POU2F2: variants seen among roughly 807,000 people sequenced by gnomAD.
The protein encoded by POU2F2 is POU class 2 homeobox 2.
In POU2F2, 14 loss-of-function variants were observed where a neutral mutation model predicts 63.5. The ratio of observed to expected loss-of-function variants is 0.22; its 90% CI spans 0.15 to 0.34. The LOEUF (loss-of-function observed/expected upper bound fraction) is 0.34. POU2F2 is among the 10% of genes least tolerant of loss of function. The probability of loss-of-function intolerance (pLI) is 1.00; values close to 1 mark genes in which losing one functional copy is unlikely to be tolerated. For missense variants in POU2F2, 607 were observed against 815.2 expected (o/e 0.74, Z 3.11); for synonymous variants, 306 against 348.6 (o/e 0.88, Z 1.36).
chr19:42,188,357 C>A (rs1373247442), intron 1 of POU2F2, among the ~76,000 whole-genome samples: 1 of 149,418 alleles, frequency 6.7e-6, no homozygotes, highest in Non-Finnish European at 1.5e-5. Flanking sequence ...CAGAGTGAGA[C>A]CTTGTCTCCA....
chr19:42,162,454 G>A lies in POU2F2; in HGVS notation c.-69-2062C>T. On this transcript the variant is annotated intron_variant, in intron 1 of 6. Coordinates refer to the POU2F2 transcript ENST00000524801. This position sits in a 1 kb window ranked among gnomAD's most constrained non-coding sequence, Gnocchi z 4.1. ...CCATTGTACAGATGGGGACCCTGAG[G>A]AACAGAGAGGGGCAGCAGCTGGCCC... is the stretch of plus-strand genomic sequence containing the variant. 6.6e-6 allele frequency among the ~76,000 whole-genome samples: 1 copy of A among 152,120 alleles called. No individual in the cohort carries two copies. Among genetic ancestry groups the A allele is most frequent in the East Asian group, 1.9e-4 (1 of 5,188 alleles).
At chr19:42,111,141 AG>A (rs1386240315) in intron 5 of POU2F2, among the ~76,000 whole-genome samples, 5 of 151,952 alleles carry the variant, frequency 3.3e-5, no homozygotes, top group Non-Finnish European at 5.9e-5. Context: ...CTTTGGAGAC[AG>A]GGTCTTACTC....
At chr19:42,177,943 G>A (rs945647553), upstream of POU2F2, among the ~76,000 whole-genome samples, 7 of 151,564 alleles carry the variant, frequency 4.6e-5, no homozygotes, top group South Asian at 4.2e-4. Flanking sequence ...AAATAGACAC[G>A]GGGACACACA....
In POU2F2 at chr19:42,095,203, G is replaced by A. The variant is rs1599935567; in HGVS notation, c.1197+83C>T. The A allele has an allele frequency of 6.8e-7, 1 of 1,464,910 alleles. No homozygotes were observed. The highest frequency in any genetic ancestry group is 9.1e-7 in the Non-Finnish European group (1 of 1,094,578). 90.7% of individuals were successfully genotyped at this position (1,464,910 alleles called of 1,614,324 possible). ...TCTTCTTGTCTCTGTTCTAGGCTCT[G>A]TGGACAACCAGGTAGGGTGGGCTTC... is the stretch of plus-strand genomic sequence containing the variant. On this transcript the variant is annotated intron_variant, in intron 11 of 14. Coordinates refer to ENST00000692977, the MANE Select transcript of POU2F2 (RefSeq NM_001394376.1). This position sits in a 1 kb window ranked among gnomAD's most constrained non-coding sequence, Gnocchi z 7.1.
chr19:42,120,746 A>G (rs899748291), intron 4 of POU2F2, among the ~76,000 whole-genome samples: 7 of 152,236 alleles, frequency 4.6e-5, no homozygotes, highest in Non-Finnish European at 1.0e-4. Flanking sequence ...GTAATTGTTG[A>G]AGCTGATTGA....
intron 1 of POU2F2, among the ~76,000 whole-genome samples, chr19:42,164,271 G>A (rs1203721697): frequency 3.4e-5 from 5 of 145,024 alleles, no homozygotes; most frequent in Non-Finnish European, 6.0e-5. Context: ...CAGCCTGGAC[G>A]ACACACTGAC....
intron 5 of POU2F2, among the ~76,000 whole-genome samples, chr19:42,104,742 C>G (rs1399444617): frequency 1.3e-5 from 2 of 152,130 alleles, no homozygotes; most frequent in East Asian, 3.9e-4. Flanking sequence ...TCCATTCATA[C>G]CTCTGGGATT....
intron 2 of POU2F2, among the ~76,000 whole-genome samples, chr19:42,150,952 C>A (rs538450057): frequency 2.0e-5 from 3 of 152,314 alleles, no homozygotes; most frequent in Admixed American, 6.5e-5. Flanking sequence ...GGATGCCCAT[C>A]TCCCCCTGCC....
chr19:42,159,293 GCAGTCCCCCACCC>G (rs1469164642), intron 2 of POU2F2, among the ~76,000 whole-genome samples: 7 of 152,102 alleles, frequency 4.6e-5, no homozygotes, highest in Non-Finnish European at 4.4e-5. Context: ...GAGCTAAAAA[GCAGTCCCCCACCC>G]CATGCATTTT....
intron 2 of POU2F2, among the ~76,000 whole-genome samples, chr19:42,157,779 G>T (rs1175943936): frequency 6.6e-6 from 1 of 152,220 alleles, no homozygotes; most frequent in Non-Finnish European, 1.5e-5. Flanking sequence ...ATGGGGAGCT[G>T]AGGAGGTAGA....
At chr19:42,167,055 C>T (rs2034666814) in intron 1 of POU2F2, among the ~76,000 whole-genome samples, 1 of 152,206 alleles carries the variant, frequency 6.6e-6, no homozygotes, top group African/African-American at 2.4e-5. Context: ...CACAAAGTCC[C>T]TGCCATCGTG....
Position 42,117,269 on chromosome 19 carries a change from G to T in POU2F2, c.350C>A (p.Thr117Lys). ...ACTTACCCCAGCTAGCTGGCTGCCC[G>T]TCAACATGAGTTGGGCCTGGGGCAG... ...PHLPQAQLML[T>K]GSQLAGDIQQ... Residue 117 changes from threonine (T) to lysine (K), a missense_variant, in exon 5 of 15, where the codon ACG becomes AAG. Around this residue, in one of 7 missense-constraint regions of POU2F2, gnomAD observed 224 missense variants for 264.3 expected, o/e 0.85. Coordinates refer to ENST00000692977, the MANE Select transcript of POU2F2 (RefSeq NM_001394376.1). The surrounding 1 kb of genome is among the most constrained non-coding windows in gnomAD (Gnocchi z 4.4). 6.7e-7 allele frequency: 1 copy of T among 1,485,294 alleles called. No individual in the cohort carries two copies. The highest frequency in any genetic ancestry group is 8.9e-7 in the Non-Finnish European group (1 of 1,123,706). 92.0% of individuals were successfully genotyped at this position (1,485,294 alleles called of 1,614,324 possible).
At chr19:42,176,940 G>C (rs970326805), upstream of POU2F2, among the ~76,000 whole-genome samples, 1 of 151,510 alleles carries the variant, frequency 6.6e-6, no homozygotes, top group African/African-American at 2.4e-5. Context: ...AATAAAGCGC[G>C]GGTCAGATTA....
At chr19:42,175,809 TCTC>T (rs1872983574) in intron 1 of POU2F2, among the ~76,000 whole-genome samples, 1 of 151,856 alleles carries the variant, frequency 6.6e-6, no homozygotes, top group South Asian at 2.1e-4. Context: ...GTTTTCCACC[TCTC>T]CTCCTGCCTG....
intron 1 of POU2F2, among the ~76,000 whole-genome samples, chr19:42,164,307 A>T (rs973073518): frequency 4.6e-5 from 7 of 151,802 alleles, no homozygotes; most frequent in African/African-American, 9.7e-5. Flanking sequence ...AAAAAAAAAA[A>T]AGGCCAGGCA....
chr19:42,157,820 G>A (rs1017722541), intron 2 of POU2F2, among the ~76,000 whole-genome samples: 10 of 152,170 alleles, frequency 6.6e-5, no homozygotes, highest in African/African-American at 1.7e-4. Context: ...TGGAGAGAAG[G>A]CCCTGCTGTG....
At chr19:42,170,853 G>A (rs931890853) in intron 1 of POU2F2, among the ~76,000 whole-genome samples, 9 of 152,224 alleles carry the variant, frequency 5.9e-5, no homozygotes, top group Admixed American at 1.3e-4. Flanking sequence ...CTGGTCTCTG[G>A]TCATGGGCCC....
rs60030513 is a variant in POU2F2, at chr19:42,091,094, CTTTTT to C, written c.*158_*162del. ...TCTCTTTTGTTGGTTAGTTTCTTTC[CTTTTT>C]TTTTTTTTTTTTGGTTGGTTGTTTT... On this transcript the variant is annotated 3_prime_UTR_variant, in exon 15 of 15. Transcript: ENST00000692977. 7.5e-4 allele frequency: 269 copies of C among 360,118 alleles called. No homozygotes were observed. The highest frequency in any genetic ancestry group is 8.4e-4 in the Non-Finnish European group (185 of 221,392). 22.3% of individuals were successfully genotyped at this position (360,118 alleles called of 1,614,324 possible). A position where few individuals can be genotyped will look rare whatever the true frequency, so the allele number is the denominator to read the frequency against.
At chr19:42,185,259 C>T (rs2146819495) in intron 1 of POU2F2, among the ~76,000 whole-genome samples, 1 of 152,168 alleles carries the variant, frequency 6.6e-6, no homozygotes, top group South Asian at 2.1e-4. Context: ...TAGTTCAGGC[C>T]TCCACATCTC....
Sources: gnomAD v4.1 joint callset for allele counts (sites outside exome capture counted in the v4.1 genomes callset) on GRCh38, gnomAD v4.1.1 for gene constraint, gnomAD v4.1.1 regional missense constraint, Gnocchi (gnomAD v3.1) non-coding constraint, MANE v1.5 for transcripts, NCBI Gene and HGNC (gene_info 2026-07-23, HGNC 2026-07-21) for gene names.